Variants in SLC16A10 observed in about 807,000 individuals in gnomAD.
SLC16A10 encodes the protein solute carrier family 16 member 10, also known as monocarboxylate transporter 10.
In SLC16A10, 27 loss-of-function variants were observed where a neutral mutation model predicts 40.0. That is an observed-to-expected ratio of 0.67 (90% CI 0.50 to 0.93). The LOEUF is 0.93. Ranked by LOEUF, SLC16A10 falls within the 40% of genes least tolerant of loss-of-function variation. The pLI is 0.00. For missense variants in SLC16A10, 529 were observed against 658.2 expected (o/e 0.80, Z 2.15); for synonymous variants, 213 against 249.8 (o/e 0.85, Z 1.39).
At chr6:111,095,452 A>G (rs1441403607) in intron 1 of SLC16A10, among the ~76,000 whole-genome samples, 5 of 152,246 alleles carry the variant, frequency 3.3e-5, no homozygotes, top group Non-Finnish European at 7.3e-5. Context: ...AATTATGTTT[A>G]AAGTGGTAGA....
chr6:111,123,018 C>T (rs539116707), intron 1 of SLC16A10, among the ~76,000 whole-genome samples: 1 of 152,218 alleles, frequency 6.6e-6, no homozygotes, highest in Admixed American at 6.5e-5. Context: ...TTTACACTTG[C>T]CTTTCACTCA....
At chr6:111,106,727 T>C (rs181325780) in intron 1 of SLC16A10, among the ~76,000 whole-genome samples, 49 of 152,362 alleles carry the variant, frequency 3.2e-4, no homozygotes, top group Admixed American at 2.7e-3. Flanking sequence ...GATAAGTGAA[T>C]AGAAACTAGT....
At chr6:111,088,662 T>G (rs1003197313) in intron 1 of SLC16A10, among the ~76,000 whole-genome samples, 5 of 152,114 alleles carry the variant, frequency 3.3e-5, no homozygotes, top group African/African-American at 1.2e-4. Flanking sequence ...CCCCGCCTTT[T>G]TTTGCCCTCT....
chr6:111,149,944 T>TGACTTTGAGC (rs199906916), intron 1 of SLC16A10, among the ~76,000 whole-genome samples: 2,404 of 152,352 alleles, frequency 0.016, 26 homozygotes, highest in Admixed American at 0.032. Flanking sequence ...TTACTTTGTG[T>TGACTTTGAGC]GACTTTGAGC....
intron 1 of SLC16A10, among the ~76,000 whole-genome samples, chr6:111,122,918 T>C (rs1771610240): frequency 6.6e-6 from 1 of 152,258 alleles, no homozygotes; most frequent in South Asian, 2.1e-4. Context: ...ATAATCACTG[T>C]TGGTATTTTA....
At chr6:111,191,373 T>A (rs1303706040) in intron 3 of SLC16A10, among the ~76,000 whole-genome samples, 3 of 152,246 alleles carry the variant, frequency 2.0e-5, no homozygotes, top group South Asian at 2.1e-4. Context: ...GGCTGCATAG[T>A]ATTCCATGGT....
chr6:111,103,799 T>C (rs1771232870), intron 1 of SLC16A10, among the ~76,000 whole-genome samples: 1 of 152,170 alleles, frequency 6.6e-6, no homozygotes, highest in African/African-American at 2.4e-5. Context: ...GAAGAGGGTA[T>C]CCGAGGTGAG....
chr6:111,163,447 C>T (rs1016809507), intron 1 of SLC16A10, among the ~76,000 whole-genome samples: 9 of 152,150 alleles, frequency 5.9e-5, no homozygotes, highest in Non-Finnish European at 8.8e-5. Context: ...CCACCGCACC[C>T]GGCAACATAA....
rs1240534239 is a variant in SLC16A10, at chr6:111,223,233, A to T, written c.*998A>T. The T allele has an allele frequency of 1.3e-5, 2 of 152,214 alleles. No individual in the cohort carries two copies. Among genetic ancestry groups the T allele is most frequent in the African/African-American group, 2.4e-5 (1 of 41,452 alleles). The allele number at this position is 152,214 out of a possible 1,614,324, so 9.4% of individuals were successfully genotyped here. On this transcript the variant is annotated 3_prime_UTR_variant, in exon 6 of 6. Coordinates refer to ENST00000368851, the MANE Select transcript of SLC16A10 (RefSeq NM_018593.5). ...ATTGCTTAAATTGGTTTATGAAATT[A>T]ATGAGTCTGAAAAGGTTAAAAGCAC...
At chr6:111,172,630 A>G (rs760883208) in intron 1 of SLC16A10, 65 bp from the exon 2 acceptor site, 21 of 1,567,624 alleles carry the variant, frequency 1.3e-5, no homozygotes, top group East Asian at 2.3e-5. Flanking sequence ...TATTATATCA[A>G]TGGAATAAAT....
chr6:111,188,727 G>A (rs1293840115), intron 3 of SLC16A10, among the ~76,000 whole-genome samples: 1 of 152,032 alleles, frequency 6.6e-6, no homozygotes, highest in African/African-American at 2.4e-5. Flanking sequence ...GTTGTTATGT[G>A]GCCTGGAAAT....
intron 1 of SLC16A10, among the ~76,000 whole-genome samples, chr6:111,159,762 G>A (rs2114525643): frequency 6.6e-6 from 1 of 152,254 alleles, no homozygotes; most frequent in African/African-American, 2.4e-5. Context: ...TATATTCCCA[G>A]TAGCAGTATG....
intron 4 of SLC16A10, among the ~76,000 whole-genome samples, chr6:111,208,949 A>G (rs1036975449): frequency 1.3e-5 from 2 of 152,054 alleles, no homozygotes; most frequent in Non-Finnish European, 2.9e-5. Flanking sequence ...TGCCCATAAT[A>G]TCAACACTTT....
At chr6:111,207,293 T>G (rs1197194342) in intron 4 of SLC16A10, among the ~76,000 whole-genome samples, 2 of 152,204 alleles carry the variant, frequency 1.3e-5, no homozygotes, top group Non-Finnish European at 2.9e-5. Flanking sequence ...ATGAAGAATG[T>G]TTTTTGGTGT....
At chr6:111,188,048 G>A (rs534101188) in intron 3 of SLC16A10, among the ~76,000 whole-genome samples, 14 of 152,252 alleles carry the variant, frequency 9.2e-5, no homozygotes, top group Admixed American at 5.9e-4. Context: ...CTTGGTCCCC[G>A]TTACATGTCC....
At chr6:111,140,291 C>T (rs1030300995) in intron 1 of SLC16A10, among the ~76,000 whole-genome samples, 6 of 151,972 alleles carry the variant, frequency 3.9e-5, no homozygotes, top group African/African-American at 1.5e-4. Flanking sequence ...AGCAGAACCC[C>T]ATCTCTTCAA....
intron 1 of SLC16A10, among the ~76,000 whole-genome samples, chr6:111,108,985 T>C (rs1365777558): frequency 6.6e-6 from 1 of 152,174 alleles, no homozygotes; most frequent in African/African-American, 2.4e-5. Context: ...ATAAATTAGA[T>C]CTTTAGAAAA....
chr6:111,186,541 G>A (rs754098851), intron 3 of SLC16A10, among the ~76,000 whole-genome samples: 1 of 152,214 alleles, frequency 6.6e-6, no homozygotes, highest in Non-Finnish European at 1.5e-5. Flanking sequence ...TGTGGAGAGA[G>A]TTGTCTGATC....
chr6:111,159,772 G>A (rs1772337837), intron 1 of SLC16A10, among the ~76,000 whole-genome samples: 1 of 152,174 alleles, frequency 6.6e-6, no homozygotes, highest in Admixed American at 6.5e-5. Flanking sequence ...GTAGCAGTAT[G>A]TGAAAGTTCT....
Sources: allele counts gnomAD v4.1 joint callset (sites outside exome capture counted in the v4.1 genomes callset), GRCh38; gene constraint gnomAD v4.1.1; transcripts MANE v1.5; gene names NCBI Gene and HGNC (gene_info 2026-07-23, HGNC 2026-07-21).